CNIH3: variants seen among roughly 807,000 people sequenced by gnomAD.
CNIH3 encodes the protein cornichon family AMPA receptor auxiliary protein 3.
In CNIH3, 14 loss-of-function variants were observed where a neutral mutation model predicts 24.1. The observed-to-expected ratio is 0.58, with a 90% CI of 0.38 to 0.91. CNIH3 has a LOEUF of 0.91. CNIH3 is among the 40% of genes least tolerant of loss of function. CNIH3 has a pLI of 0.00. For synonymous variants in CNIH3, 68 were observed against 73.8 expected (o/e 0.92, Z 0.40); for missense variants, 178 against 196.8 (o/e 0.90, Z 0.57).
intron 1 of CNIH3, among the ~76,000 whole-genome samples, chr1:224,479,077 G>A (rs1233519154): frequency 1.3e-5 from 2 of 150,022 alleles, no homozygotes; most frequent in Admixed American, 6.6e-5. Flanking sequence ...TCCCTCCCTG[G>A]CCCCTCCCAA....
chr1:224,676,369 G>A (rs1686140863), intron 1 of CNIH3, among the ~76,000 whole-genome samples: 2 of 152,084 alleles, frequency 1.3e-5, no homozygotes, highest in Non-Finnish European at 2.9e-5. Context: ...GCGGGGGGGT[G>A]TTGCAGGAGG....
At chr1:224,710,676 A>G (rs1358623868) in intron 3 of CNIH3, among the ~76,000 whole-genome samples, 1 of 152,146 alleles carries the variant, frequency 6.6e-6, no homozygotes, top group Non-Finnish European at 1.5e-5. Flanking sequence ...GGAGGGTGCC[A>G]AGTGCTGGGA....
intron 3 of CNIH3, among the ~76,000 whole-genome samples, chr1:224,564,240 C>T (rs1680491246): frequency 6.6e-6 from 1 of 152,180 alleles, no homozygotes; most frequent in African/African-American, 2.4e-5. Flanking sequence ...TTATAAATAC[C>T]TGCTTGTGTG....
rs971254972 is a variant in CNIH3, at chr1:224,703,380, G to T, written c.198+18537G>T. On this transcript the variant is annotated intron_variant, in intron 3 of 5. Coordinates refer to ENST00000272133, the MANE Select transcript of CNIH3 (RefSeq NM_152495.2). This position sits in a 1 kb window ranked among gnomAD's most constrained non-coding sequence, Gnocchi z 4.2. ...TGCCGCACATTAGAATCACCTGGGGGAAATTTTAAAAATCCTGATGCCCAG... is the reference window on the plus strand; with the variant it reads ...TGCCGCACATTAGAATCACCTGGGGTAAATTTTAAAAATCCTGATGCCCAG... Among the ~76,000 whole-genome samples, 2 of 151,886 alleles carry T rather than the reference G, an allele frequency of 1.3e-5. No individual in the cohort carries two copies. Among genetic ancestry groups the T allele is most frequent in the African/African-American group, 2.4e-5 (1 of 41,168 alleles).
At chr1:224,457,271 CTCTCTG>C (rs1434471605) in intron 1 of CNIH3, among the ~76,000 whole-genome samples, 3,445 of 82,114 alleles carry the variant, frequency 0.042, 42 homozygotes, top group Non-Finnish European at 0.063. Flanking sequence ...CCTCCTCTCT[CTCTCTG>C]TGTGTGTGTG....
intron 1 of CNIH3, among the ~76,000 whole-genome samples, chr1:224,624,277 CT>C (rs1379769878): frequency 6.6e-6 from 1 of 152,182 alleles, no homozygotes; most frequent in African/African-American, 2.4e-5. Flanking sequence ...TTTGCAACTG[CT>C]TTCAAATGTT....
chr1:224,584,466 AC>A (rs1478749411), intron 5 of CNIH3, among the ~76,000 whole-genome samples: 1 of 152,300 alleles, frequency 6.6e-6, no homozygotes, highest in African/African-American at 2.4e-5. Context: ...TCTATCACAA[AC>A]CCTTTATGCC....
At chr1:224,448,204 T>G (rs1055245593) in intron 1 of CNIH3, among the ~76,000 whole-genome samples, 16 of 151,950 alleles carry the variant, frequency 1.1e-4, no homozygotes, top group African/African-American at 3.9e-4. Flanking sequence ...GCCACTGTAC[T>G]CCAGCCTGGA....
chr1:224,736,579 A>G (rs1231312062), intron 5 of CNIH3, among the ~76,000 whole-genome samples: 2 of 152,190 alleles, frequency 1.3e-5, no homozygotes, highest in African/African-American at 4.8e-5. Flanking sequence ...TGCGTTTTAA[A>G]CAAGCTCTCT....
chr1:224,730,627 G>T, intron 4 of CNIH3, 53 bp downstream of exon 4: 1 of 1,085,722 alleles, frequency 9.2e-7, no homozygotes, highest in Non-Finnish European at 1.4e-6. Context: ...AGGGCAGCCT[G>T]CTCTCCAGTG....
intron 3 of CNIH3, among the ~76,000 whole-genome samples, chr1:224,550,926 T>C (rs976189766): frequency 4.0e-5 from 6 of 149,034 alleles, no homozygotes; most frequent in African/African-American, 1.5e-4. Flanking sequence ...ATTGTTCAAT[T>C]CCCACCTATG....
intron 1 of CNIH3, among the ~76,000 whole-genome samples, chr1:224,671,289 A>C (rs1646989530): frequency 6.6e-6 from 1 of 152,256 alleles, no homozygotes; most frequent in Non-Finnish European, 1.5e-5. Context: ...CTCCAACCAG[A>C]GGCTCTGTGC....
At chr1:224,699,877 G>T (rs539299736) in intron 3 of CNIH3, among the ~76,000 whole-genome samples, 1 of 152,298 alleles carries the variant, frequency 6.6e-6, no homozygotes, top group Admixed American at 6.5e-5. Flanking sequence ...CCATGTGGGG[G>T]TCATTAGGGG....
intron 1 of CNIH3, among the ~76,000 whole-genome samples, chr1:224,623,085 C>T (rs1683358082): frequency 6.6e-6 from 1 of 152,140 alleles, no homozygotes; most frequent in Non-Finnish European, 1.5e-5. Context: ...TATCTGACCT[C>T]CCCTCTAGTG....
chr1:224,483,539 G>A (rs1036570103), intron 1 of CNIH3, among the ~76,000 whole-genome samples: 9 of 151,930 alleles, frequency 5.9e-5, no homozygotes, highest in Non-Finnish European at 1.3e-4. Context: ...ATAGGCACAT[G>A]CCACCACACC....
chr1:224,722,128 G>C (rs962062573), intron 3 of CNIH3, among the ~76,000 whole-genome samples: 1 of 152,172 alleles, frequency 6.6e-6, no homozygotes, highest in Non-Finnish European at 1.5e-5. Flanking sequence ...TGGGAGGGTT[G>C]GGTGGGAGGA....
intron 4 of CNIH3, among the ~76,000 whole-genome samples, chr1:224,571,142 G>A (rs1558170886): frequency 6.6e-6 from 1 of 152,198 alleles, no homozygotes; most frequent in South Asian, 2.1e-4. Flanking sequence ...TCCTTTGAGT[G>A]TGTCTTGGCT....
chr1:224,732,840 A>C (rs1251271830), intron 4 of CNIH3, among the ~76,000 whole-genome samples: 1 of 152,132 alleles, frequency 6.6e-6, no homozygotes, highest in Non-Finnish European at 1.5e-5. Flanking sequence ...GGAGGAAGGG[A>C]GGGGCTGCAA....
intron 1 of CNIH3, among the ~76,000 whole-genome samples, chr1:224,634,180 C>G (rs949491904): frequency 3.3e-5 from 5 of 152,228 alleles, no homozygotes; most frequent in African/African-American, 1.2e-4. Flanking sequence ...GGCACGTGTT[C>G]GTCCTTCTGA....
Sources: gnomAD v4.1 joint callset for allele counts (sites outside exome capture counted in the v4.1 genomes callset) on GRCh38, gnomAD v4.1.1 for gene constraint, Gnocchi (gnomAD v3.1) non-coding constraint, MANE v1.5 for transcripts, NCBI Gene and HGNC (gene_info 2026-07-23, HGNC 2026-07-21) for gene names.